The following SPON1 variants were observed in gnomAD, a reference collection of about 807,000 sequenced individuals.
SPON1 encodes the protein spondin-1.
A neutral mutation model predicts 111.7 loss-of-function variants in SPON1; 52 were observed. The observed-to-expected ratio is 0.47, with a 90% CI of 0.37 to 0.59. The LOEUF (loss-of-function observed/expected upper bound fraction) is 0.59, where lower values mean the gene tolerates loss of function less well. SPON1 is among the 20% of genes least tolerant of loss of function. The pLI is 0.00. For synonymous variants in SPON1, 410 were observed against 395.8 expected, an observed-to-expected ratio of 1.04 and a Z score of -0.43; for missense variants, 957 against 1,068.5, an observed-to-expected ratio of 0.90 and a Z score of 1.46.
intron 5 of SPON1, among the ~76,000 whole-genome samples, chr11:14,091,403 GC>G: frequency 6.6e-6 from 1 of 152,216 alleles, no homozygotes; most frequent in Non-Finnish European, 1.5e-5. Context: ...GGAGGCTCGG[GC>G]CGCACAGGAG....
chr11:14,181,786 A>G (rs782798506), intron 6 of SPON1, among the ~76,000 whole-genome samples: 19 of 152,132 alleles, frequency 1.2e-4, no homozygotes, highest in Admixed American at 7.9e-4. Context: ...CTTGACTCCT[A>G]TTGTATTTGC....
At chr11:14,139,725 T>TATATATATATATATATATATATATATA (rs1564913657) in intron 6 of SPON1, among the ~76,000 whole-genome samples, 2 of 150,728 alleles carry the variant, frequency 1.3e-5, no homozygotes, top group African/African-American at 4.9e-5. Flanking sequence ...TATATATATA[T>TATATATATATATATATATATATATATA]TTAAGTGAAA....
chr11:14,009,592 A>G (rs150183451), intron 2 of SPON1, among the ~76,000 whole-genome samples: 1 of 152,226 alleles, frequency 6.6e-6, no homozygotes, highest in Non-Finnish European at 1.5e-5. Context: ...CTGTGTTCAT[A>G]TTTGGTGACT....
intron 6 of SPON1, among the ~76,000 whole-genome samples, chr11:14,160,931 ATTTATATATATATT>A (rs1564919755): frequency 6.8e-5 from 3 of 44,258 alleles, no homozygotes; most frequent in African/African-American, 2.4e-4. Context: ...ATATTTATAT[ATTTATATATATATT>A]TATATATTTA....
chr11:14,182,718 G>C (rs1195524565), intron 6 of SPON1, among the ~76,000 whole-genome samples: 3 of 152,124 alleles, frequency 2.0e-5, no homozygotes, highest in African/African-American at 4.8e-5. Flanking sequence ...TCCATAAAAG[G>C]CTCCTTTTTC....
intron 6 of SPON1, among the ~76,000 whole-genome samples, chr11:14,160,649 T>TTA (rs1382035484): frequency 6.6e-5 from 1 of 15,052 alleles, no homozygotes; most frequent in African/African-American, 2.5e-4. Flanking sequence ...TTACATATAT[T>TTA]TATATATTTA....
chr11:13,965,085 A>G (rs1554907922), intron 1 of SPON1, among the ~76,000 whole-genome samples: 1 of 152,142 alleles, frequency 6.6e-6, no homozygotes, highest in Non-Finnish European at 1.5e-5. Flanking sequence ...TAATAAGCCT[A>G]ACAGTTGAAT....
chr11:14,174,838 A>C (rs1554932938), intron 6 of SPON1, among the ~76,000 whole-genome samples: 1 of 152,078 alleles, frequency 6.6e-6, no homozygotes, highest in Non-Finnish European at 1.5e-5. Flanking sequence ...TCTCTAAAAA[A>C]GAAATCCTTT....
intron 6 of SPON1, among the ~76,000 whole-genome samples, chr11:14,240,010 C>T (rs1284852412): frequency 6.6e-6 from 1 of 152,214 alleles, no homozygotes; most frequent in African/African-American, 2.4e-5. Context: ...CTCAATGATA[C>T]AGGAATCCTT....
intron 7 of SPON1, among the ~76,000 whole-genome samples, chr11:14,250,960 T>C (rs1165089508): frequency 6.6e-6 from 1 of 152,232 alleles, no homozygotes; most frequent in African/African-American, 2.4e-5. Context: ...CATGCCAAGT[T>C]CTAAGCCAGA....
chr11:14,248,978 T>C (rs1361271847), intron 7 of SPON1, among the ~76,000 whole-genome samples: 1 of 152,190 alleles, frequency 6.6e-6, no homozygotes, highest in African/African-American at 2.4e-5. Flanking sequence ...GTTCCTCCGG[T>C]GCCTAAGTAG....
At chr11:14,101,112 G>GTT (rs1180317963) in intron 5 of SPON1, among the ~76,000 whole-genome samples, 8 of 151,972 alleles carry the variant, frequency 5.3e-5, no homozygotes, top group Non-Finnish European at 1.2e-4. Flanking sequence ...TTAAAACCTG[G>GTT]TTTTCGGCTG....
chr11:14,104,078 CT>C (rs1285131567), intron 5 of SPON1, among the ~76,000 whole-genome samples: 8 of 152,008 alleles, frequency 5.3e-5, no homozygotes, highest in African/African-American at 1.4e-4. Context: ...ATCTCACTTG[CT>C]TTTTTTCCCT....
At position 14,013,737 on chromosome 11, in the gene SPON1, G is replaced by C. The variant is rs978548686; in HGVS notation, c.346-27784G>C. 6.6e-5 allele frequency among the ~76,000 whole-genome samples: 10 copies of C among 152,158 alleles called. No individual in the cohort carries two copies. In the South Asian group the frequency reaches 8.3e-4, roughly 13 times the overall value. The stretch of plus-strand genomic sequence containing the variant: ...TCACTAGATTTACTGAGCACCTGCT[G>C]TATACCAGGCTCTAGACTGGGTGCC... On this transcript the variant is annotated intron_variant, in intron 2 of 15. Transcript: ENST00000576479.
intron 6 of SPON1, among the ~76,000 whole-genome samples, chr11:14,192,181 A>G (rs893602056): frequency 2.0e-5 from 3 of 152,166 alleles, no homozygotes; most frequent in East Asian, 1.9e-4. Flanking sequence ...CAAAATTTTA[A>G]AATATGTGTG....
chr11:13,963,984 C>A (rs1359098401), intron 1 of SPON1, among the ~76,000 whole-genome samples: 2 of 152,172 alleles, frequency 1.3e-5, no homozygotes. Flanking sequence ...GTCGCGCCTA[C>A]GCCGCTCGGC....
chr11:14,194,326 A>G (rs1268536293), intron 6 of SPON1, among the ~76,000 whole-genome samples: 1 of 152,232 alleles, frequency 6.6e-6, no homozygotes. Flanking sequence ...ATAATCTGCC[A>G]GTCCTCCATT....
intron 15 of SPON1, among the ~76,000 whole-genome samples, chr11:14,264,828 G>T (rs1849244551): frequency 6.6e-6 from 1 of 152,176 alleles, no homozygotes; most frequent in African/African-American, 2.4e-5. Flanking sequence ...AAGTTTTCTT[G>T]GAGAGCAGCA....
Position 14,260,573 on chromosome 11 carries a change from T to C in SPON1, c.1832-15T>C. On this transcript the variant is annotated splice_polypyrimidine_tract_variant and intron_variant, in intron 13 of 15. Transcript: ENST00000576479. ...AGGAACCTGTTCTCAGTGGCAAACC[T>C]GGTTCTTGATCTAGACACCATCCCA... The C allele has an allele frequency of 1.9e-6, 3 of 1,609,462 alleles. No individual in the cohort carries two copies. Among genetic ancestry groups the C allele is most frequent in the Non-Finnish European group, 2.5e-6 (3 of 1,176,712 alleles).
Sources: gnomAD v4.1 joint callset for allele counts (sites outside exome capture counted in the v4.1 genomes callset) on GRCh38, gnomAD v4.1.1 for gene constraint, MANE v1.5 for transcripts, NCBI Gene and HGNC (gene_info 2026-07-23, HGNC 2026-07-21) for gene names.